GRM5: variants seen among roughly 807,000 people sequenced by gnomAD.
GRM5 encodes the protein metabotropic glutamate receptor 5.
In GRM5, 19 loss-of-function variants were observed where a neutral mutation model predicts 83.1. The ratio of observed to expected loss-of-function variants is 0.23; its 90% CI spans 0.16 to 0.34. GRM5 has a LOEUF of 0.34. GRM5 is among the 10% of genes least tolerant of loss of function. The pLI is 1.00. For synonymous variants in GRM5, 675 were observed against 633.6 expected (o/e 1.07, Z -0.98); for missense variants, 1,160 against 1,588.3 (o/e 0.73, Z 4.58).
intron 2 of GRM5, among the ~76,000 whole-genome samples, chr11:88,951,592 GAC>G (rs1219828330): frequency 2.0e-5 from 3 of 152,198 alleles, no homozygotes; most frequent in East Asian, 1.9e-4. Flanking sequence ...TAGTATGGTA[GAC>G]ACAGTGTGAG....
Position 88,866,359 on chromosome 11 carries a change from C to A in GRM5, c.662-16204G>T, listed in dbSNP as rs548919247. ...ATAAATGGGAGTTGAACAATGAGAA[C>A]ACATAGACACAGGGAGGGGATCACC... On this transcript the variant is annotated intron_variant, in intron 2 of 9. Transcript: ENST00000305447. Among the ~76,000 whole-genome samples the A allele has an allele frequency of 2.6e-3, 400 of 152,096 alleles. 2 individuals carry two copies. The highest frequency in any genetic ancestry group is 2.1e-3 in the Non-Finnish European group (145 of 67,990).
intron 2 of GRM5, among the ~76,000 whole-genome samples, chr11:88,995,039 C>A (rs147112951): frequency 6.6e-6 from 1 of 152,210 alleles, no homozygotes; most frequent in East Asian, 1.9e-4. Flanking sequence ...AATGGTCTAG[C>A]TGTAGAGCTC....
chr11:88,874,613 G>T (rs1284446643), intron 2 of GRM5, among the ~76,000 whole-genome samples: 1 of 151,828 alleles, frequency 6.6e-6, no homozygotes, highest in African/African-American at 2.4e-5. Context: ...AAACTAAAAA[G>T]CTTCTGCACA....
intron 2 of GRM5, among the ~76,000 whole-genome samples, chr11:88,944,990 G>T (rs1938231691): frequency 6.6e-6 from 1 of 151,846 alleles, no homozygotes; most frequent in African/African-American, 2.4e-5. Context: ...CGGCTCCTGG[G>T]ACTGATAAAT....
intron 4 of GRM5, among the ~76,000 whole-genome samples, chr11:88,614,849 T>C (rs1938425744): frequency 6.6e-6 from 1 of 152,192 alleles, no homozygotes; most frequent in Admixed American, 6.5e-5. Flanking sequence ...CAGAAACTTG[T>C]AATGTCATGA....
chr11:88,926,365 A>T (rs942012187), intron 2 of GRM5, among the ~76,000 whole-genome samples: 3 of 152,206 alleles, frequency 2.0e-5, no homozygotes, highest in African/African-American at 7.2e-5. Context: ...TTGAAAGATA[A>T]CATTTTATGG....
chr11:88,819,482 A>G lies in GRM5; in HGVS notation c.911+30424T>C, dbSNP rs533921785. Reference sequence around the variant, plus strand: ...TTATATAACCTTAGACAATAACTGCACAGATTTTTCCCAGATATCTTGCTA... The same window carrying G: ...TTATATAACCTTAGACAATAACTGCGCAGATTTTTCCCAGATATCTTGCTA... On this transcript the variant is annotated intron_variant, in intron 3 of 9. Transcript: ENST00000305447. Among the ~76,000 whole-genome samples, 261 of 152,340 alleles carry G rather than the reference A, an allele frequency of 1.7e-3. 1 individual carries two copies. Among genetic ancestry groups the G allele is most frequent in the Non-Finnish European group, 2.7e-3 (187 of 68,032 alleles).
intron 3 of GRM5, among the ~76,000 whole-genome samples, chr11:88,791,884 T>C (rs1387696574): frequency 1.3e-5 from 2 of 152,146 alleles, no homozygotes; most frequent in Admixed American, 1.3e-4. Context: ...CACTGGGCTT[T>C]TATGTCATTA....
At chr11:88,905,367 G>A (rs1249875509) in intron 2 of GRM5, among the ~76,000 whole-genome samples, 1 of 151,898 alleles carries the variant, frequency 6.6e-6, no homozygotes, top group Non-Finnish European at 1.5e-5. Flanking sequence ...ATTTTGAGAC[G>A]GAGTCTTGCT....
At chr11:89,037,640 G>C (rs1941424091) in intron 2 of GRM5, among the ~76,000 whole-genome samples, 1 of 152,048 alleles carries the variant, frequency 6.6e-6, no homozygotes, top group Non-Finnish European at 1.5e-5. Flanking sequence ...ATCAAATTGA[G>C]ATAAAAATAC....
chr11:88,932,968 T>C (rs1342369267), intron 2 of GRM5, among the ~76,000 whole-genome samples: 1 of 151,942 alleles, frequency 6.6e-6, no homozygotes, highest in East Asian at 1.9e-4. Context: ...CTAAATCATG[T>C]GTATGACCTT....
chr11:88,744,211 A>AT (rs1305218481), intron 3 of GRM5, among the ~76,000 whole-genome samples: 1 of 152,128 alleles, frequency 6.6e-6, no homozygotes, highest in Non-Finnish European at 1.5e-5. Context: ...TACATTAAGT[A>AT]TTTTCAAGTG....
intron 4 of GRM5, among the ~76,000 whole-genome samples, chr11:88,605,900 G>T (rs1299316915): frequency 6.6e-6 from 1 of 152,178 alleles, no homozygotes; most frequent in Non-Finnish European, 1.5e-5. Flanking sequence ...AGAAAGAAGT[G>T]ATTCTTGCTC....
chr11:88,744,079 A>T (rs1166909667), intron 3 of GRM5, among the ~76,000 whole-genome samples: 2 of 152,200 alleles, frequency 1.3e-5, no homozygotes, highest in Admixed American at 1.3e-4. Flanking sequence ...TCACAATTTT[A>T]AGGGCAGATT....
At chr11:88,707,161 C>T (rs1245965963) in intron 3 of GRM5, among the ~76,000 whole-genome samples, 2 of 151,942 alleles carry the variant, frequency 1.3e-5, no homozygotes, top group Non-Finnish European at 2.9e-5. Flanking sequence ...TTCACTCCTC[C>T]CATTAGCTGT....
In GRM5 at chr11:88,567,866, T is replaced by G. The variant is rs1364296082; in HGVS notation, c.1817A>C (p.Asp606Ala). 1 of 1,613,888 alleles carries G rather than the reference T, an allele frequency of 6.2e-7. No homozygotes were observed. The highest frequency in any genetic ancestry group is 8.5e-7 in the Non-Finnish European group (1 of 1,179,790). Residue 606 changes from aspartate (D) to alanine (A), a missense_variant, in exon 8 of 10, where the codon GAT (aspartate) becomes GCT (alanine). This residue lies in a region of GRM5 where 132 missense variants were observed against 245.5 expected (regional missense o/e 0.54). Coordinates refer to ENST00000305447, the MANE Select transcript of GRM5 (RefSeq NM_001143831.3). The surrounding 1 kb of genome is among the most constrained non-coding windows in gnomAD (Gnocchi z 7.3). ...FVTVVFIIYR[D>A]TPVVKSSSRE... ...GCTTGAGGACTTGACTACTGGTGTA[T>G]CACGGTAAATGATGAAGACTACAGT... is the stretch of plus-strand genomic sequence containing the variant.
intron 2 of GRM5, among the ~76,000 whole-genome samples, chr11:88,894,037 G>A (rs138505954): frequency 8.6e-4 from 130 of 152,018 alleles, no homozygotes; most frequent in African/African-American, 1.8e-3. Context: ...AGTTTGCATC[G>A]GTGAATGCTG....
chr11:88,890,112 A>AACATCCCCACATCCCC (rs59391543), intron 2 of GRM5, among the ~76,000 whole-genome samples: 87 of 150,428 alleles, frequency 5.8e-4, no homozygotes, highest in East Asian at 2.2e-3. Flanking sequence ...AAGATATGGA[A>AACATCCCCACATCCCC]ACATCCCCAC....
At chr11:88,721,261 C>G (rs569472559) in intron 3 of GRM5, among the ~76,000 whole-genome samples, 1 of 152,038 alleles carries the variant, frequency 6.6e-6, no homozygotes, top group Admixed American at 6.6e-5. Context: ...TTTCTCCTTT[C>G]TAGAAATTCA....
Sources: allele counts gnomAD v4.1 joint callset (sites outside exome capture counted in the v4.1 genomes callset), GRCh38; gene constraint gnomAD v4.1.1; regional missense constraint gnomAD v4.1.1; non-coding constraint Gnocchi (gnomAD v3.1); transcripts MANE v1.5; gene names NCBI Gene and HGNC (gene_info 2026-07-23, HGNC 2026-07-21).